The following CALN1 variants were observed in gnomAD, a reference collection of about 807,000 sequenced individuals.
The protein encoded by CALN1 is calneuron 1.
In CALN1, 17 loss-of-function variants were observed where a neutral mutation model predicts 30.6. The ratio of observed to expected loss-of-function variants is 0.56; its 90% CI spans 0.38 to 0.83. The LOEUF is 0.83. Among genes scored for constraint, CALN1 ranks in the 40% least tolerant of loss-of-function variants. The pLI, the probability that CALN1 is intolerant of heterozygous loss-of-function variation, is 0.00. For missense variants in CALN1, 291 were observed against 354.9 expected (o/e 0.82, Z 1.45); for synonymous variants, 156 against 131.4 (o/e 1.19, Z -1.28).
At chr7:72,370,835 T>C (rs543688764) in intron 2 of CALN1, among the ~76,000 whole-genome samples, 53 of 152,002 alleles carry the variant, frequency 3.5e-4, no homozygotes, top group African/African-American at 1.2e-3. Context: ...TACTTGAGGT[T>C]AGGAGTTTGA....
intron 3 of CALN1, among the ~76,000 whole-genome samples, chr7:72,137,185 G>A (rs895174699): frequency 1.3e-5 from 2 of 152,152 alleles, no homozygotes; most frequent in African/African-American, 2.4e-5. Flanking sequence ...CTGGTCGGAG[G>A]GGAGCCTATC....
chr7:72,032,170 T>C (rs1801496205), intron 4 of CALN1, among the ~76,000 whole-genome samples: 1 of 149,940 alleles, frequency 6.7e-6, no homozygotes, highest in South Asian at 2.1e-4. Context: ...GCCATTCTCC[T>C]GCCTCAGCCT....
intron 1 of CALN1, among the ~76,000 whole-genome samples, chr7:72,435,139 G>A (rs1483804021): frequency 2.0e-5 from 3 of 152,074 alleles, no homozygotes; most frequent in Admixed American, 6.6e-5. Flanking sequence ...GAAGGCTGAG[G>A]TGGGAGGATC....
At chr7:71,827,568 C>T (rs931079129) in intron 5 of CALN1, among the ~76,000 whole-genome samples, 8 of 151,800 alleles carry the variant, frequency 5.3e-5, no homozygotes, top group African/African-American at 9.7e-5. Context: ...GTCGGGAGTT[C>T]GAGACAAGCC....
chr7:72,474,946 G>A, the CALN1 span, among the ~76,000 whole-genome samples: 113 of 152,086 alleles, frequency 7.4e-4, 1 homozygote, highest in Non-Finnish European at 1.2e-3. Context: ...GATTACTTCT[G>A]TGCTTACTTC....
intron 5 of CALN1, among the ~76,000 whole-genome samples, chr7:71,906,350 C>A (rs778014165): frequency 1.3e-5 from 2 of 152,074 alleles, no homozygotes; most frequent in African/African-American, 2.4e-5. Context: ...AGCCAGCAGG[C>A]AGTGAGGAGG....
intron 3 of CALN1, among the ~76,000 whole-genome samples, chr7:72,221,540 T>A (rs1172589151): frequency 6.6e-6 from 1 of 152,126 alleles, no homozygotes; most frequent in African/African-American, 2.4e-5. Context: ...AGCAAAGATT[T>A]GTTTTTCCAT....
At chr7:71,806,147 T>C (rs111731910) in intron 6 of CALN1, among the ~76,000 whole-genome samples, 6,289 of 152,178 alleles carry the variant, frequency 0.041, 409 homozygotes, top group African/African-American at 0.14. Flanking sequence ...CAAACCACCA[T>C]GGCACACATT....
intron 5 of CALN1, among the ~76,000 whole-genome samples, chr7:71,972,591 T>G (rs946033854): frequency 6.6e-6 from 1 of 152,176 alleles, no homozygotes; most frequent in African/African-American, 2.4e-5. Flanking sequence ...ATAAATGATG[T>G]CAGACAAAGC....
At chr7:72,211,694 T>A (rs1792408900) in intron 3 of CALN1, among the ~76,000 whole-genome samples, 1 of 152,242 alleles carries the variant, frequency 6.6e-6, no homozygotes, top group African/African-American at 2.4e-5. Flanking sequence ...TTGTTCCTAT[T>A]GACGGTCCCT....
chr7:71,907,153 T>C (rs2116977111), intron 5 of CALN1, among the ~76,000 whole-genome samples: 1 of 152,198 alleles, frequency 6.6e-6, no homozygotes, highest in Middle Eastern at 3.4e-3. Flanking sequence ...AACATTTAAG[T>C]GATTGTTCCA....
chr7:71,881,460 G>A (rs1215496924), intron 5 of CALN1, among the ~76,000 whole-genome samples: 1 of 152,088 alleles, frequency 6.6e-6, no homozygotes, highest in Admixed American at 6.5e-5. Context: ...CCCAGTCCTG[G>A]CACCTTCTCA....
intron 5 of CALN1, among the ~76,000 whole-genome samples, chr7:71,900,686 G>GTCTGTGGTCA (rs1245449581): frequency 2.0e-5 from 3 of 152,210 alleles, no homozygotes; most frequent in Non-Finnish European, 4.4e-5. Context: ...TAGGGCAGAT[G>GTCTGTGGTCA]TCTGTGGTCA....
chr7:72,364,852 T>C (rs940270340), intron 2 of CALN1, among the ~76,000 whole-genome samples: 1 of 152,214 alleles, frequency 6.6e-6, no homozygotes, highest in Non-Finnish European at 1.5e-5. Context: ...CTTGCCAACA[T>C]AGTGAAACCT....
intron 2 of CALN1, among the ~76,000 whole-genome samples, chr7:72,364,106 A>C (rs1280643278): frequency 1.3e-5 from 2 of 152,084 alleles, no homozygotes; most frequent in East Asian, 1.9e-4. Context: ...AAATTTGAAA[A>C]CTCTTCTAAG....
At chr7:72,015,086 A>G (rs951241852) in intron 5 of CALN1, among the ~76,000 whole-genome samples, 5 of 152,248 alleles carry the variant, frequency 3.3e-5, no homozygotes, top group African/African-American at 1.2e-4. Context: ...TTGATAGGTA[A>G]TTTCTCCACC....
intron 2 of CALN1, among the ~76,000 whole-genome samples, chr7:72,401,321 T>C (rs949673478): frequency 4.0e-5 from 6 of 151,894 alleles, no homozygotes; most frequent in African/African-American, 1.5e-4. Flanking sequence ...CACATCCAAC[T>C]CCCTGGAGCC....
chr7:72,152,363 C>G (rs574548552), intron 3 of CALN1, among the ~76,000 whole-genome samples: 3 of 152,294 alleles, frequency 2.0e-5, no homozygotes, highest in South Asian at 2.1e-4. Context: ...CACATCTGCA[C>G]CCATTTCTGT....
intron 1 of CALN1, among the ~76,000 whole-genome samples, chr7:72,407,078 A>C (rs933387599): frequency 1.3e-5 from 2 of 152,156 alleles, no homozygotes; most frequent in African/African-American, 2.4e-5. Context: ...TGAGTACTCT[A>C]TCACCTGCAT....
Sources: gnomAD v4.1 joint callset for allele counts (sites outside exome capture counted in the v4.1 genomes callset) on GRCh38, gnomAD v4.1.1 for gene constraint, MANE v1.5 for transcripts, NCBI Gene and HGNC (gene_info 2026-07-23, HGNC 2026-07-21) for gene names.